The following SLC47A2 variants were observed in gnomAD, a reference collection of about 807,000 sequenced individuals.
The protein encoded by SLC47A2 is solute carrier family 47 member 2.
In SLC47A2, 52 loss-of-function variants were observed where a neutral mutation model predicts 67.7. The observed-to-expected ratio is 0.77, with a 90% CI of 0.61 to 0.97. The LOEUF is 0.97. SLC47A2 is among the 50% of genes least tolerant of loss of function. SLC47A2 has a pLI of 0.00. For synonymous variants in SLC47A2, 278 were observed against 292.9 expected, an observed-to-expected ratio of 0.95 and a Z score of 0.52; for missense variants, 676 against 712.3, an observed-to-expected ratio of 0.95 and a Z score of 0.58.
At chr17:19,697,959 A>G (rs1334417450) in intron 13 of SLC47A2, among the ~76,000 whole-genome samples, 1 of 152,118 alleles carries the variant, frequency 6.6e-6, no homozygotes, top group Non-Finnish European at 1.5e-5. Context: ...CATATGAATG[A>G]ATGATAAACA....
intron 11 of SLC47A2, 34 bp downstream of exon 11, chr17:19,704,036 G>T (rs760314902): frequency 7.8e-6 from 12 of 1,542,558 alleles, no homozygotes; most frequent in Non-Finnish European, 9.7e-6. Context: ...TCAGGCCAAC[G>T]TTTGAAGGCC....
At position 19,714,037 on chromosome 17, in the gene SLC47A2, G is replaced by A. The variant is rs113841991; in HGVS notation, c.295-64C>T. ...CCCGGGACATTCCTAAATCCCGCGC[G>A]GGGAGCGGGCTGTCAGCGGCGCCAG... is the stretch of plus-strand genomic sequence containing the variant. On this transcript the variant is annotated intron_variant, in intron 3 of 16. Transcript: ENST00000433844. 764 of 1,551,118 alleles carry A rather than the reference G, an allele frequency of 4.9e-4. 2 individuals are homozygous for A. In the African/African-American group the frequency reaches 9.5e-3, roughly 19 times the overall value.
chr17:19,712,707 A>T lies in SLC47A2; in HGVS notation c.482T>A (p.Leu161His). ...QDYVMIFIPG[L>H]PVIFLYNLLA... ...TCAGCAAACAGGGGCACCTACCGGAAGTCCTGGAATGAAAATCATTACATA... is the reference window on the plus strand; with the variant it reads ...TCAGCAAACAGGGGCACCTACCGGATGTCCTGGAATGAAAATCATTACATA... The change falls in exon 5 of 17, where the codon CTT (leucine) becomes CAT (histidine). Residue 161 changes from leucine (L) to histidine (H), a missense_variant. Leu to His is a moderately conservative substitution (Grantham distance 99). Coordinates refer to ENST00000433844, the MANE Select transcript of SLC47A2 (RefSeq NM_001099646.3). 1 of 1,613,426 alleles carries T rather than the reference A, an allele frequency of 6.2e-7. No homozygotes were observed. The highest frequency in any genetic ancestry group is 1.3e-5 in the African/African-American group (1 of 75,042).
chr17:19,702,868 C>G (rs1362684363), intron 12 of SLC47A2, among the ~76,000 whole-genome samples, 194 bp from the exon 13 acceptor site: 1 of 152,134 alleles, frequency 6.6e-6, no homozygotes, highest in Non-Finnish European at 1.5e-5. Flanking sequence ...CAGAAGAGCC[C>G]CCACAATTTT....
At chr17:19,710,816 C>CTTT (rs34676875) in intron 5 of SLC47A2, among the ~76,000 whole-genome samples, 2 of 139,994 alleles carry the variant, frequency 1.4e-5, no homozygotes, top group Non-Finnish European at 3.1e-5. Context: ...ATTCACAAAT[C>CTTT]TTTTTTTTTT....
At chr17:19,698,959 A>C (rs2085726729) in intron 13 of SLC47A2, among the ~76,000 whole-genome samples, 2 of 152,236 alleles carry the variant, frequency 1.3e-5, no homozygotes, top group Non-Finnish European at 2.9e-5. Context: ...GAGGATGGGC[A>C]TAGGTTATAG....
intron 3 of SLC47A2, among the ~76,000 whole-genome samples, 191 bp from the exon 4 acceptor site, chr17:19,714,164 A>G (rs1265240722): frequency 6.6e-6 from 1 of 152,128 alleles, no homozygotes; most frequent in Non-Finnish European, 1.5e-5. Flanking sequence ...CACTGTCTCC[A>G]CTGTTCTTCC....
chr17:19,712,802 C>T (rs2086137696), intron 4 of SLC47A2, 57 bp from the exon 5 acceptor site: 3 of 1,550,544 alleles, frequency 1.9e-6, no homozygotes, highest in Non-Finnish European at 2.6e-6. Flanking sequence ...GGAGGCAGGG[C>T]CCTCTCCCCT....
chr17:19,703,264 A>G (rs938121459), intron 11 of SLC47A2, 97 bp from the exon 12 acceptor site: 2 of 1,116,986 alleles, frequency 1.8e-6, no homozygotes, highest in Admixed American at 4.0e-5. Flanking sequence ...AGTGCAAGTC[A>G]GCCCAGCCCT....
chr17:19,684,329 C>G (rs1262304495), intron 13 of SLC47A2, among the ~76,000 whole-genome samples: 2 of 152,016 alleles, frequency 1.3e-5, no homozygotes, highest in African/African-American at 2.4e-5. Flanking sequence ...ACTTCTAAAC[C>G]ATAAGTCAAA....
chr17:19,680,144 G>T, intron 15 of SLC47A2, 105 bp from the exon 16 acceptor site: 2 of 1,034,690 alleles, frequency 1.9e-6, no homozygotes, highest in Non-Finnish European at 2.8e-6. Context: ...AGCTGAAGCA[G>T]CATATATGCA....
Position 19,678,747 on chromosome 17 carries a change from C to A in SLC47A2, c.1640G>T (p.Gly547Val). ...QLVIRRGAAL[G>V]AASATLMVGL... Reference sequence around the variant, plus strand: ...CACCATCAGTGTGGCTGACGCCGCCCCCAGAGCAGCCCCACGGCGGATGAC... The same window carrying A: ...CACCATCAGTGTGGCTGACGCCGCCACCAGAGCAGCCCCACGGCGGATGAC... Residue 547 changes from glycine (G) to valine (V), a missense_variant, in exon 17 of 17, where the codon GGG becomes GTG. Coordinates refer to ENST00000433844, the MANE Select transcript of SLC47A2 (RefSeq NM_001099646.3). 1 of 1,614,004 alleles carries A rather than the reference C, an allele frequency of 6.2e-7. No individual in the cohort carries two copies. Among genetic ancestry groups the A allele is most frequent in the Non-Finnish European group, 8.5e-7 (1 of 1,180,050 alleles).
At chr17:19,715,311 C>A (rs2086224377) in intron 1 of SLC47A2, 94 bp from the exon 2 acceptor site, 2 of 1,135,250 alleles carry the variant, frequency 1.8e-6, no homozygotes, top group South Asian at 1.3e-5. Context: ...GGGCCCCGCA[C>A]CAGTGCCCCG....
intron 13 of SLC47A2, among the ~76,000 whole-genome samples, chr17:19,691,015 G>A (rs908610170): frequency 1.3e-5 from 2 of 151,966 alleles, no homozygotes; most frequent in Admixed American, 6.6e-5. Context: ...CTAGCTACTC[G>A]GGAAGGCTGA....
intron 10 of SLC47A2, chr17:19,704,982 T>C (rs2085891794): frequency 5.3e-6 from 2 of 376,276 alleles, no homozygotes; most frequent in Non-Finnish European, 9.5e-6. Context: ...TGTGCCACCA[T>C]ACCTGGCTAA....
At chr17:19,712,448 A>C (rs1014316239) in intron 5 of SLC47A2, among the ~76,000 whole-genome samples, 6 of 152,234 alleles carry the variant, frequency 3.9e-5, no homozygotes, top group Admixed American at 3.9e-4. Context: ...GTAGAATTAT[A>C]GGTGATTTGA....
chr17:19,688,533 A>G (rs112713782), intron 13 of SLC47A2, among the ~76,000 whole-genome samples: 1 of 152,204 alleles, frequency 6.6e-6, no homozygotes, highest in African/African-American at 2.4e-5. Flanking sequence ...AAGAAAGTGC[A>G]TCCAGATTGA....
chr17:19,705,128 G>A (rs963154354), intron 10 of SLC47A2: 1 of 423,232 alleles, frequency 2.4e-6, no homozygotes, highest in Non-Finnish European at 4.2e-6. Flanking sequence ...AGCCTGGAAT[G>A]TGCATTTTTA....
intron 9 of SLC47A2, 151 bp from the exon 10 acceptor site, chr17:19,705,654 CA>C (rs1567629681): frequency 1.2e-5 from 8 of 677,860 alleles, no homozygotes; most frequent in Non-Finnish European, 1.9e-5. Flanking sequence ...AGCTGGAGTG[CA>C]GTGGCGCAAT....
Sources: gnomAD v4.1 joint callset for allele counts (sites outside exome capture counted in the v4.1 genomes callset) on GRCh38, gnomAD v4.1.1 for gene constraint, MANE v1.5 for transcripts, NCBI Gene and HGNC (gene_info 2026-07-23, HGNC 2026-07-21) for gene names.